The following IL27RA variants were observed in gnomAD, a reference collection of about 807,000 sequenced individuals.
The protein encoded by IL27RA is interleukin-27 receptor subunit alpha.
In IL27RA, 61 loss-of-function variants were observed where a neutral mutation model predicts 80.8. That is an observed-to-expected ratio of 0.76 (90% confidence interval 0.61 to 0.93). The LOEUF (loss-of-function observed/expected upper bound fraction) is 0.93, where lower values mean the gene tolerates loss of function less well. IL27RA is among the 40% of genes least tolerant of loss of function. The probability of loss-of-function intolerance (pLI) is 0.00; values close to 1 mark genes in which losing one functional copy is unlikely to be tolerated. For missense variants in IL27RA, 735 were observed against 808.1 expected, an observed-to-expected ratio of 0.91 and a Z score of 1.10; for synonymous variants, 316 against 332.5, an observed-to-expected ratio of 0.95 and a Z score of 0.54.
At chr19:14,049,895 A>G (rs956962935) in intron 10 of IL27RA, among the ~76,000 whole-genome samples, 18 of 151,792 alleles carry the variant, frequency 1.2e-4, no homozygotes, top group Non-Finnish European at 1.9e-4. Flanking sequence ...AATTTTAAAA[A>G]TATATATAGA....
intron 8 of IL27RA, among the ~76,000 whole-genome samples, chr19:14,048,758 C>T (rs1388030371): frequency 6.6e-6 from 1 of 152,176 alleles, no homozygotes; most frequent in Non-Finnish European, 1.5e-5. Flanking sequence ...TAGAGGTCCC[C>T]CATGGGACTG....
At chr19:14,040,726 G>A (rs966147188) in intron 4 of IL27RA, among the ~76,000 whole-genome samples, 2 of 151,166 alleles carry the variant, frequency 1.3e-5, no homozygotes, top group Admixed American at 6.6e-5. Flanking sequence ...AGAGGCTAAG[G>A]CAGGAGAGAA....
intron 1 of IL27RA, among the ~76,000 whole-genome samples, 196 bp downstream of exon 1, chr19:14,032,168 G>A (rs1975825599): frequency 6.6e-6 from 1 of 152,200 alleles, no homozygotes; most frequent in African/African-American, 2.4e-5. Context: ...CCGGGGCGGG[G>A]TGGGGGAGCT....
rs147347872 is a variant in IL27RA, at chr19:14,042,604, C to T, written c.686C>T (p.Pro229Leu). The T allele has an allele frequency of 7.2e-5, 116 of 1,613,980 alleles. No homozygotes were observed. The highest frequency in any genetic ancestry group is 1.6e-4 in the Middle Eastern group (1 of 6,084). The change falls in exon 5 of 14, where the codon CCG (proline) becomes CTG (leucine). Residue 229 changes from proline (P) to leucine (L), a missense_variant. Pro to Leu is a moderately conservative substitution (Grantham distance 98). Transcript: ENST00000263379. ...AGCCCCATTTTGTCCTTCCAGACAC[C>T]GCCTTCTGGTGAGGATATCTGGGCT... Reference protein sequence around the residue: ...EWSPILSFQTPPSAPKDVWVS... With the variant: ...EWSPILSFQTLPSAPKDVWVS...
At chr19:14,035,254 C>T (rs1383762744) in intron 2 of IL27RA, among the ~76,000 whole-genome samples, 1 of 152,158 alleles carries the variant, frequency 6.6e-6, no homozygotes, top group Non-Finnish European at 1.5e-5. Flanking sequence ...CCTTTGTCCT[C>T]CCAAAGTGCT....
In IL27RA at chr19:14,039,818, A is replaced by T. The variant is rs977488200; in HGVS notation, c.442A>T (p.Thr148Ser). The T allele has an allele frequency of 6.2e-7, 1 of 1,614,098 alleles. No homozygotes were observed. The highest frequency in any genetic ancestry group is 8.5e-7 in the Non-Finnish European group (1 of 1,180,002). Residue 148 changes from threonine to serine, a missense_variant, in exon 4 of 14, where the codon ACT becomes TCT. Physicochemically the swap from Thr to Ser is moderately conservative, Grantham distance 58. Coordinates refer to ENST00000263379, the MANE Select transcript of IL27RA (RefSeq NM_004843.4). ...TTCCGAGGATGACCCCCTGGAGGCCACTGTCCATTGGGCCCCACCTACATG... is the reference window on the plus strand; with the variant it reads ...TTCCGAGGATGACCCCCTGGAGGCCTCTGTCCATTGGGCCCCACCTACATG... The part of the protein sequence containing the change: ...DFSEDDPLEA[T>S]VHWAPPTWPS...
At position 14,031,969 on chromosome 19, in the gene IL27RA, C is replaced by A; in HGVS notation, c.97C>A (p.Gln33Lys). 6.2e-7 allele frequency: 1 copy of A among 1,608,904 alleles called. No homozygotes were observed. Among genetic ancestry groups the A allele is most frequent in the Non-Finnish European group, 8.5e-7 (1 of 1,177,582 alleles). ...GGTGCTTTTCCAGCGGACGCGTCCC[C>A]AGGGTGAGTGCTGGAGGGAGCTCGT... Reference protein sequence around the residue: ...LWVLFQRTRPQGSAGPLQCYG... With the variant: ...LWVLFQRTRPKGSAGPLQCYG... The change falls in exon 1 of 14, where the codon CAG becomes AAG. Residue 33 changes from glutamine (Q) to lysine (K), a missense_variant. By Grantham distance (53) the Gln-to-Lys change is moderately conservative (BLOSUM62 1). Transcript: ENST00000263379.
intron 2 of IL27RA, among the ~76,000 whole-genome samples, chr19:14,038,866 A>G (rs1202781826): frequency 3.3e-5 from 5 of 151,096 alleles, no homozygotes; most frequent in East Asian, 2.0e-4. Context: ...GCTGGGCAAC[A>G]AGAACAAAAA....
At chr19:14,038,587 A>AG (rs1433613829) in intron 2 of IL27RA, among the ~76,000 whole-genome samples, 56 of 148,900 alleles carry the variant, frequency 3.8e-4, no homozygotes, top group African/African-American at 1.2e-3. Context: ...AAAAAAAAAA[A>AG]AGAGAGAGAG....
At chr19:14,036,825 G>A (rs116577233) in intron 2 of IL27RA, among the ~76,000 whole-genome samples, 2,507 of 148,238 alleles carry the variant, frequency 0.017, 69 homozygotes, top group African/African-American at 0.059. Context: ...GTATTCCATC[G>A]TGTATGTATA....
chr19:14,042,686 A>G (rs937652918), intron 5 of IL27RA, 30 bp from the exon 6 acceptor site: 3 of 1,613,718 alleles, frequency 1.9e-6, no homozygotes, highest in Non-Finnish European at 2.5e-6. Flanking sequence ...TGTCCCACTC[A>G]TTTGTTCCCC....
Position 14,031,833 on chromosome 19 carries a change from C to A in IL27RA, c.-40C>A, listed in dbSNP as rs756066420. On this transcript the variant is annotated 5_prime_UTR_variant, in exon 1 of 14. Transcript: ENST00000263379. Reference sequence around the variant, plus strand: ...GAGGAGCAGCGCGGCCGCGCGGACCCGGCAAGGCTGGGCCGGACTCGGGGC... The same window carrying A: ...GAGGAGCAGCGCGGCCGCGCGGACCAGGCAAGGCTGGGCCGGACTCGGGGC... 2 of 1,527,936 alleles carry A rather than the reference C, an allele frequency of 1.3e-6. No individual in the cohort carries two copies. Among genetic ancestry groups the A allele is most frequent in the Non-Finnish European group, 1.8e-6 (2 of 1,128,788 alleles). The allele number at this position is 1,527,936 out of a possible 1,614,324, so 94.6% of individuals were successfully genotyped here. A position where few individuals can be genotyped will look rare whatever the true frequency, so the allele number is the denominator to read the frequency against.
Position 14,039,898 on chromosome 19 carries a change from G to A in IL27RA, c.522G>A (p.Ala174=), listed in dbSNP as rs143233265. Residue 174 remains alanine (A), a synonymous_variant, in exon 4 of 14, where the codon GCG becomes GCA. Coordinates refer to ENST00000263379, the MANE Select transcript of IL27RA (RefSeq NM_004843.4). ...CQFHYRRCQE[A]AWTLLEPELK... ...TCCACTACCGAAGATGTCAGGAGGCGGCCTGGACCCTGGTGAGTGCTGGGG... is the reference window on the plus strand; with the variant it reads ...TCCACTACCGAAGATGTCAGGAGGCAGCCTGGACCCTGGTGAGTGCTGGGG... The A allele has an allele frequency of 2.7e-5, 43 of 1,614,024 alleles. No homozygotes were observed. The highest frequency in any genetic ancestry group is 1.9e-4 in the African/African-American group (14 of 75,024).
chr19:14,052,155 G>A lies in IL27RA; in HGVS notation c.1776G>A (p.Glu592=). The stretch of plus-strand genomic sequence containing the variant: ...CCATCCTGGAAGTGGAGGAGATGGA[G>A]CCCCCGCCGGTTATGGAGTCCTCCC... ...DLPILEVEEM[E]PPPVMESSQP... The change falls in exon 14 of 14, where the codon GAG becomes GAA. Residue 592 remains glutamate, a synonymous_variant. Coordinates refer to ENST00000263379, the MANE Select transcript of IL27RA (RefSeq NM_004843.4). 6.2e-7 allele frequency: 1 copy of A among 1,611,462 alleles called. No homozygotes were observed. The highest frequency in any genetic ancestry group is 8.5e-7 in the Non-Finnish European group (1 of 1,179,224).
chr19:14,046,364 C>A, intron 7 of IL27RA, 27 bp downstream of exon 7: 1 of 1,613,264 alleles, frequency 6.2e-7, no homozygotes, highest in Non-Finnish European at 8.5e-7. Flanking sequence ...TTCCTCAGCT[C>A]GGTGCCCTGG....
At chr19:14,049,110 G>C (rs76905218) in intron 9 of IL27RA, 28 bp downstream of exon 9, 38 of 1,612,206 alleles carry the variant, frequency 2.4e-5, no homozygotes, top group Non-Finnish European at 3.2e-5. Flanking sequence ...GGATGGGGGG[G>C]CTTCTGTAAC....
In IL27RA at chr19:14,046,294, C is replaced by T; in HGVS notation, c.909C>T (p.Ala303=). The change falls in exon 7 of 14, where the codon GCC becomes GCT. Residue 303 remains alanine (A), a synonymous_variant. Coordinates refer to ENST00000263379, the MANE Select transcript of IL27RA (RefSeq NM_004843.4). Reference sequence around the variant, plus strand: ...GGGCCAGGGTGTCCGCTGTCAACGCCACAAGCTGGGAGCCTCTCACCAACC... The same window carrying T: ...GGGCCAGGGTGTCCGCTGTCAACGCTACAAGCTGGGAGCCTCTCACCAACC... ...AEWARVSAVN[A]TSWEPLTNLS... is the part of the protein sequence containing the mutation. 6.2e-7 allele frequency: 1 copy of T among 1,614,068 alleles called. No individual in the cohort carries two copies.
chr19:14,033,664 CAAAAA>C (rs987365305), intron 2 of IL27RA, among the ~76,000 whole-genome samples: 1 of 141,316 alleles, frequency 7.1e-6, no homozygotes, highest in Non-Finnish European at 1.5e-5. Context: ...GACTCTGTCT[CAAAAA>C]AATTTTAAAA....
intron 2 of IL27RA, among the ~76,000 whole-genome samples, chr19:14,038,889 GAAAA>G (rs371517796): frequency 0.026 from 2,589 of 101,086 alleles, 42 homozygotes; most frequent in Middle Eastern, 0.084. Flanking sequence ...TGTCTCAAAA[GAAAA>G]AAAAAAGAGA....
Sources: gnomAD v4.1 joint callset for allele counts (sites outside exome capture counted in the v4.1 genomes callset) on GRCh38, gnomAD v4.1.1 for gene constraint, MANE v1.5 for transcripts, NCBI Gene and HGNC (gene_info 2026-07-23, HGNC 2026-07-21) for gene names.